UBAC2: variants seen among roughly 807,000 people sequenced by gnomAD.
UBAC2 encodes the protein UBA domain containing 2.
UBAC2 carries 26 observed loss-of-function variants against 44.0 expected under a neutral mutation model. That is an observed-to-expected ratio of 0.59 (90% confidence interval 0.43 to 0.82). UBAC2 has a LOEUF of 0.82. Ranked by LOEUF, UBAC2 falls within the 40% of genes least tolerant of loss-of-function variation. The pLI is 0.00. For missense variants in UBAC2, 329 were observed against 419.4 expected (o/e 0.78, Z 1.88); for synonymous variants, 155 against 154.3 (o/e 1.00, Z -0.04).
At chr13:99,201,188 C>T in intron 1 of UBAC2, 1 of 1,399,672 alleles carries the variant, frequency 7.1e-7, no homozygotes, top group Non-Finnish European at 9.3e-7. Flanking sequence ...TCCCCAGGTG[C>T]TCTGCCCAGG....
At chr13:99,382,004 A>T (rs2045557617) in intron 8 of UBAC2, among the ~76,000 whole-genome samples, 2 of 152,212 alleles carry the variant, frequency 1.3e-5, no homozygotes, top group Non-Finnish European at 2.9e-5. Context: ...CTTATGAGAG[A>T]TGTTGGTGAC....
In UBAC2 at chr13:99,243,926, G is replaced by C. The variant is rs946777938; in HGVS notation, c.254G>C (p.Arg85Thr). The C allele has an allele frequency of 2.6e-6, 4 of 1,540,962 alleles. No homozygotes were observed. The African/African-American group carries it at 5.5e-5, about 21-fold the overall frequency. ...ATTTATAATTTTAGGATATTTGAAAGAAGATATGGAAGCAGAAAATTTGCA... is the reference window on the plus strand; with the variant it reads ...ATTTATAATTTTAGGATATTTGAAACAAGATATGGAAGCAGAAAATTTGCA... ...LLIYNFRIFE[R>T]RYGSRKFASF... Residue 85 changes from arginine to threonine, a missense_variant, in exon 3 of 9, where the codon AGA (arginine) becomes ACA (threonine). By Grantham distance (71) the Arg-to-Thr change is moderately conservative (BLOSUM62 -1). Transcript: ENST00000403766.
chr13:99,355,785 C>G (rs1354271888), intron 7 of UBAC2, among the ~76,000 whole-genome samples: 1 of 152,196 alleles, frequency 6.6e-6, no homozygotes, highest in African/African-American at 2.4e-5. Flanking sequence ...CCGCAGCTGC[C>G]CAGAGTCTCA....
At chr13:99,296,530 A>T (rs931717215) in intron 4 of UBAC2, among the ~76,000 whole-genome samples, 3 of 152,212 alleles carry the variant, frequency 2.0e-5, no homozygotes, top group African/African-American at 7.2e-5. Flanking sequence ...TTGTCTGGTT[A>T]AGTAAAGCAC....
intron 1 of UBAC2, among the ~76,000 whole-genome samples, chr13:99,207,135 C>T (rs539369049): frequency 6.6e-6 from 1 of 152,354 alleles, no homozygotes; most frequent in African/African-American, 2.4e-5. Flanking sequence ...GCACCCCTCC[C>T]TGAGTTGGGA....
chr13:99,307,703 C>G (rs2044356745), intron 4 of UBAC2, among the ~76,000 whole-genome samples: 1 of 151,754 alleles, frequency 6.6e-6, no homozygotes, highest in South Asian at 2.1e-4. Context: ...AGCAATAAAC[C>G]TTAACCAAAA....
intron 4 of UBAC2, chr13:99,296,108 G>C: frequency 6.2e-7 from 1 of 1,610,966 alleles, no homozygotes; most frequent in Non-Finnish European, 8.5e-7. Context: ...AGGAGTTGCA[G>C]AGGGCGGAGT....
intron 7 of UBAC2, among the ~76,000 whole-genome samples, chr13:99,358,862 T>C (rs1015717033): frequency 6.6e-6 from 1 of 152,106 alleles, no homozygotes; most frequent in African/African-American, 2.4e-5. Context: ...TGGGACGTGT[T>C]CTATCTTAGG....
At chr13:99,312,180 A>G (rs2044420726) in intron 4 of UBAC2, among the ~76,000 whole-genome samples, 2 of 152,264 alleles carry the variant, frequency 1.3e-5, no homozygotes, top group Admixed American at 1.3e-4. Flanking sequence ...ATTTTTTAAA[A>G]TAACGTAGTC....
chr13:99,332,482 T>C (rs1287361446), intron 6 of UBAC2, among the ~76,000 whole-genome samples: 2 of 152,186 alleles, frequency 1.3e-5, no homozygotes, highest in Non-Finnish European at 2.9e-5. Context: ...TTCTCAGACT[T>C]ACAGGGTCAC....
intron 1 of UBAC2, among the ~76,000 whole-genome samples, chr13:99,208,813 C>T (rs1437204349): frequency 6.6e-6 from 1 of 152,228 alleles, no homozygotes. Flanking sequence ...AAAGCTGACC[C>T]TGTGTCCTGC....
At chr13:99,340,256 A>G (rs751943901) in intron 6 of UBAC2, 64 bp from the exon 7 acceptor site, 413 of 1,566,538 alleles carry the variant, frequency 2.6e-4, no homozygotes, top group Non-Finnish European at 3.4e-4. Context: ...CTGATTTTTG[A>G]GTCGTGTACA....
At chr13:99,248,930 T>C (rs1292233331) in intron 4 of UBAC2, among the ~76,000 whole-genome samples, 1 of 152,234 alleles carries the variant, frequency 6.6e-6, no homozygotes, top group African/African-American at 2.4e-5. Context: ...TTTCTTCTTA[T>C]TTTAATTAGT....
In UBAC2 at chr13:99,268,530, C is replaced by T. The variant is rs950488701; in HGVS notation, c.389+23906C>T. On this transcript the variant is annotated intron_variant, in intron 4 of 8. Transcript: ENST00000403766. The stretch of plus-strand genomic sequence containing the variant: ...GGCTGAGGTGGGAGGATCACCTGAG[C>T]CTGGAGGGCCGAGGCTGCAGTGAGC... Among the ~76,000 whole-genome samples, 4 of 145,744 alleles carry T rather than the reference C, an allele frequency of 2.7e-5. No homozygotes were observed. In the Admixed American group the frequency reaches 2.8e-4, roughly 10 times the overall value.
intron 8 of UBAC2, among the ~76,000 whole-genome samples, chr13:99,372,854 C>G (rs2045426298): frequency 1.3e-5 from 2 of 152,210 alleles, no homozygotes; most frequent in South Asian, 4.1e-4. Flanking sequence ...GTGGCCCACA[C>G]CTGTGATCCC....
intron 6 of UBAC2, among the ~76,000 whole-genome samples, chr13:99,332,244 G>A (rs1005776013): frequency 6.6e-6 from 1 of 152,102 alleles, no homozygotes; most frequent in Non-Finnish European, 1.5e-5. Flanking sequence ...GCCTGTTGTG[G>A]TTTCAGGCTA....
At chr13:99,363,944 G>T (rs2045298036) in intron 7 of UBAC2, among the ~76,000 whole-genome samples, 2 of 151,974 alleles carry the variant, frequency 1.3e-5, no homozygotes, top group Admixed American at 6.6e-5. Context: ...TATTTTTATT[G>T]CTATTTATAA....
chr13:99,236,055 G>A (rs978956508), intron 1 of UBAC2, among the ~76,000 whole-genome samples: 1 of 152,158 alleles, frequency 6.6e-6, no homozygotes, highest in South Asian at 2.1e-4. Flanking sequence ...AAATCAAATC[G>A]AAATGGATTA....
chr13:99,280,363 C>A (rs953135496), intron 4 of UBAC2, among the ~76,000 whole-genome samples: 1 of 152,196 alleles, frequency 6.6e-6, no homozygotes, highest in Non-Finnish European at 1.5e-5. Context: ...TCTCTGGATT[C>A]ATTTATTACG....
Sources: gnomAD v4.1 joint callset for allele counts (sites outside exome capture counted in the v4.1 genomes callset) on GRCh38, gnomAD v4.1.1 for gene constraint, MANE v1.5 for transcripts, NCBI Gene and HGNC (gene_info 2026-07-23, HGNC 2026-07-21) for gene names.